The following FHIT variants were observed in gnomAD, a reference collection of about 807,000 sequenced individuals.
FHIT encodes the protein fragile histidine triad diadenosine triphosphatase.
Under a neutral mutation model 17.9 loss-of-function variants are expected in FHIT, and 19 were observed. The ratio of observed to expected loss-of-function variants is 1.06; its 90% confidence interval spans 0.74 to 1.56. The LOEUF (loss-of-function observed/expected upper bound fraction) is 1.56, where lower values mean the gene tolerates loss of function less well. Among genes scored for constraint, FHIT ranks in the 40% most tolerant of loss-of-function variants. FHIT has a pLI of 0.00. For synonymous variants in FHIT, 81 were observed against 69.7 expected (o/e 1.16, Z -0.81); for missense variants, 248 against 189.2 (o/e 1.31, Z -1.82).
intron 5 of FHIT, among the ~76,000 whole-genome samples, chr3:60,027,589 G>C (rs1700804375): frequency 6.6e-6 from 1 of 152,014 alleles, no homozygotes. Context: ...CCGCGAGACT[G>C]CAACCTCGAA....
chr3:60,140,754 T>G (rs1700008142), intron 5 of FHIT, among the ~76,000 whole-genome samples: 1 of 152,032 alleles, frequency 6.6e-6, no homozygotes, highest in Non-Finnish European at 1.5e-5. Flanking sequence ...AATTTTGTAT[T>G]TTTAGTAGAT....
At chr3:60,679,921 T>C (rs891650175) in intron 4 of FHIT, among the ~76,000 whole-genome samples, 1 of 152,196 alleles carries the variant, frequency 6.6e-6, no homozygotes, top group East Asian at 1.9e-4. Flanking sequence ...TAGTTATTCT[T>C]GTTACTATAT....
intron 4 of FHIT, among the ~76,000 whole-genome samples, chr3:60,570,309 A>G (rs2037330345): frequency 6.6e-6 from 1 of 152,194 alleles, no homozygotes. Flanking sequence ...TTTAATGGGA[A>G]AGACTATTTA....
At chr3:60,615,596 C>T (rs761625748) in intron 4 of FHIT, among the ~76,000 whole-genome samples, 1 of 152,166 alleles carries the variant, frequency 6.6e-6, no homozygotes, top group Non-Finnish European at 1.5e-5. Context: ...CATAACAGTA[C>T]TTTAAGTAAT....
chr3:60,232,188 T>C (rs887326980), intron 5 of FHIT, among the ~76,000 whole-genome samples: 3 of 152,154 alleles, frequency 2.0e-5, no homozygotes, highest in African/African-American at 7.2e-5. Context: ...ATTTTTCAAG[T>C]CCTGCATCAT....
chr3:60,300,941 T>A (rs899993314), intron 5 of FHIT, among the ~76,000 whole-genome samples: 4 of 151,980 alleles, frequency 2.6e-5, no homozygotes, highest in African/African-American at 7.2e-5. Flanking sequence ...GTAATAGTCA[T>A]CTCCCAAGTT....
At chr3:60,493,896 A>G (rs536512099) in intron 5 of FHIT, among the ~76,000 whole-genome samples, 2 of 152,314 alleles carry the variant, frequency 1.3e-5, no homozygotes, top group East Asian at 3.9e-4. Context: ...CAGAAGCTAA[A>G]TATGAATAGC....
At chr3:61,199,074 G>A (rs1449012901) in intron 2 of FHIT, among the ~76,000 whole-genome samples, 1 of 152,136 alleles carries the variant, frequency 6.6e-6, no homozygotes, top group African/African-American at 2.4e-5. Context: ...CCACTTCACA[G>A]ATCAGGAAAC....
chr3:60,862,794 G>A (rs1346408963), intron 3 of FHIT, among the ~76,000 whole-genome samples: 4 of 150,900 alleles, frequency 2.7e-5, no homozygotes, highest in African/African-American at 9.8e-5. Context: ...AGAGGTTGCA[G>A]TGAGCCAAGA....
At chr3:60,233,037 G>A (rs1704582547) in intron 5 of FHIT, among the ~76,000 whole-genome samples, 1 of 152,192 alleles carries the variant, frequency 6.6e-6, no homozygotes, top group Non-Finnish European at 1.5e-5. Context: ...TGGTGACTGG[G>A]AAGGGGTGCA....
At chr3:60,326,198 A>G (rs145590968) in intron 5 of FHIT, among the ~76,000 whole-genome samples, 49 of 152,162 alleles carry the variant, frequency 3.2e-4, no homozygotes, top group African/African-American at 1.1e-3. Flanking sequence ...AGTGCATTAC[A>G]TTTATTGTGC....
At chr3:59,982,681 T>A (rs1408809375) in intron 7 of FHIT, among the ~76,000 whole-genome samples, 1 of 152,156 alleles carries the variant, frequency 6.6e-6, no homozygotes, top group Non-Finnish European at 1.5e-5. Flanking sequence ...GTTAAGTGCT[T>A]GTGGCTAACT....
chr3:59,883,556 T>TA (rs1282899419), intron 8 of FHIT, among the ~76,000 whole-genome samples: 1 of 152,226 alleles, frequency 6.6e-6, no homozygotes, highest in Admixed American at 6.5e-5. Flanking sequence ...AATTATCTCT[T>TA]ACAGGGTCCG....
intron 2 of FHIT, among the ~76,000 whole-genome samples, chr3:61,097,236 T>G (rs991568579): frequency 6.6e-6 from 1 of 152,066 alleles, no homozygotes; most frequent in African/African-American, 2.4e-5. Context: ...TGTCAGACAG[T>G]GGGTGCAGGA....
intron 4 of FHIT, among the ~76,000 whole-genome samples, chr3:60,587,901 A>G (rs1448905682): frequency 6.6e-6 from 1 of 151,870 alleles, no homozygotes; most frequent in South Asian, 2.1e-4. Context: ...CTGGGGTAGA[A>G]TCTGTATCAG....
chr3:60,259,950 C>A (rs1488368127), intron 5 of FHIT, among the ~76,000 whole-genome samples: 3 of 151,990 alleles, frequency 2.0e-5, no homozygotes, highest in Non-Finnish European at 4.4e-5. Context: ...TGGGACCTAG[C>A]AATGGATACC....
intron 4 of FHIT, among the ~76,000 whole-genome samples, chr3:60,581,551 C>T (rs532595627): frequency 6.6e-6 from 1 of 152,090 alleles, no homozygotes; most frequent in South Asian, 2.1e-4. Flanking sequence ...TCGGTAAAAC[C>T]ATAGTGATTC....
At chr3:60,338,139 A>AGCAT (rs1168902975) in intron 5 of FHIT, among the ~76,000 whole-genome samples, 1 of 152,196 alleles carries the variant, frequency 6.6e-6, no homozygotes, top group Non-Finnish European at 1.5e-5. Context: ...CATAAAGGGA[A>AGCAT]GCATACATAT....
chr3:61,153,667 C>T (rs1463343685), intron 2 of FHIT, among the ~76,000 whole-genome samples: 1 of 152,080 alleles, frequency 6.6e-6, no homozygotes, highest in Non-Finnish European at 1.5e-5. Flanking sequence ...GAATGCTGAC[C>T]TTCTAATATC....
Sources: gnomAD v4.1 joint callset for allele counts (sites outside exome capture counted in the v4.1 genomes callset) on GRCh38, gnomAD v4.1.1 for gene constraint, MANE v1.5 for transcripts, NCBI Gene and HGNC (gene_info 2026-07-23, HGNC 2026-07-21) for gene names.